Variants in PCDHGA4 observed in about 807,000 individuals in gnomAD.
PCDHGA4 encodes the protein protocadherin gamma-A4.
PCDHGA4 carries 38 observed loss-of-function variants against 54.6 expected under a neutral mutation model. The ratio of observed to expected loss-of-function variants is 0.70; its 90% CI spans 0.54 to 0.91. PCDHGA4 has a LOEUF of 0.91. PCDHGA4 is among the 40% of genes least tolerant of loss of function. The pLI is 0.00. For missense variants in PCDHGA4, 1,298 were observed against 1,220.9 expected (o/e 1.06, Z -0.94); for synonymous variants, 511 against 512.9 (o/e 1.00, Z 0.05).
chr5:141,399,753 G>A (rs1418820057), intron 1 of PCDHGA4: 6 of 1,613,252 alleles, frequency 3.7e-6, no homozygotes, highest in Middle Eastern at 1.7e-4. Flanking sequence ...GCGCAAACGT[G>A]AGCCTGCGCG....
At chr5:141,389,313 C>A (rs1279349887) in intron 1 of PCDHGA4, 2 of 1,614,024 alleles carry the variant, frequency 1.2e-6, no homozygotes, top group Admixed American at 3.3e-5. Context: ...GGCTTCTGAT[C>A]CGGACTTGGG....
At chr5:141,464,282 A>AG (rs1318553407) in intron 1 of PCDHGA4, among the ~76,000 whole-genome samples, 1 of 151,396 alleles carries the variant, frequency 6.6e-6, no homozygotes, top group Non-Finnish European at 1.5e-5. Flanking sequence ...AAAAAAGCAA[A>AG]AAAAAAAACT....
Position 141,436,345 on chromosome 5 carries a change from G to A in PCDHGA4, c.2515-58462G>A, listed in dbSNP as rs930858667. 5.9e-4 allele frequency among the ~76,000 whole-genome samples: 90 copies of A among 152,212 alleles called. 1 individual carries two copies. Among genetic ancestry groups the A allele is most frequent in the African/African-American group, 1.7e-3 (69 of 41,540 alleles). ...GTTAGACCATATCTCAAATATCAGT[G>A]ACTTCAATCAACTATGTTTCCAGTT... On this transcript the variant is annotated intron_variant, in intron 1 of 3. Coordinates refer to ENST00000571252, the MANE Select transcript of PCDHGA4 (RefSeq NM_018917.4).
Position 141,376,352 on chromosome 5 carries a change from G to A in PCDHGA4, c.2514+18731G>A, listed in dbSNP as rs919062386. On this transcript the variant is annotated intron_variant, in intron 1 of 3. Coordinates refer to ENST00000571252, the MANE Select transcript of PCDHGA4 (RefSeq NM_018917.4). Reference sequence around the variant, plus strand: ...TTTCCTGCAGACCTATTCCCACGAGGTCTCACTCACTGCAGACTCGCGTAA... The same window carrying A: ...TTTCCTGCAGACCTATTCCCACGAGATCTCACTCACTGCAGACTCGCGTAA... 3.9e-5 allele frequency: 63 copies of A among 1,614,164 alleles called. No homozygotes were observed. In the East Asian group the frequency reaches 1.4e-3, roughly 35 times the overall value.
chr5:141,394,427 G>A (rs748527281), intron 1 of PCDHGA4: 23 of 1,614,228 alleles, frequency 1.4e-5, no homozygotes, highest in Non-Finnish European at 1.6e-5. Flanking sequence ...GCGACAGCGG[G>A]GACCCGCCCC....
At chr5:141,399,642 G>C (rs755191053) in intron 1 of PCDHGA4, 3 of 1,613,750 alleles carry the variant, frequency 1.9e-6, no homozygotes, top group Non-Finnish European at 2.5e-6. Flanking sequence ...CCATGAGCGC[G>C]CAAAGTGGGG....
intron 1 of PCDHGA4, among the ~76,000 whole-genome samples, chr5:141,471,978 A>C (rs1246474598): frequency 1.3e-5 from 2 of 152,184 alleles, no homozygotes; most frequent in African/African-American, 4.8e-5. Flanking sequence ...TTACTGTATA[A>C]ATTTATTAAA....
intron 1 of PCDHGA4, chr5:141,433,169 C>T: frequency 6.2e-7 from 1 of 1,613,000 alleles, no homozygotes; most frequent in Non-Finnish European, 8.5e-7. Context: ...TAAAGACAGT[C>T]ATGGGTTAAT....
intron 1 of PCDHGA4, chr5:141,479,468 T>C (rs1473966646): frequency 1.3e-5 from 2 of 152,248 alleles, no homozygotes; most frequent in African/African-American, 4.8e-5. Context: ...TACAGTGACC[T>C]CTTGGGAGGG....
intron 1 of PCDHGA4, among the ~76,000 whole-genome samples, chr5:141,447,632 T>G (rs931349669): frequency 9.2e-5 from 14 of 152,160 alleles, no homozygotes; most frequent in Non-Finnish European, 2.1e-4. Flanking sequence ...ACCAACAGTA[T>G]GAATGATGGT....
chr5:141,507,483 T>G (rs2099860964), intron 3 of PCDHGA4, among the ~76,000 whole-genome samples: 1 of 152,184 alleles, frequency 6.6e-6, no homozygotes, highest in South Asian at 2.1e-4. Context: ...GCTGGCCTCC[T>G]GAGGCAGAGC....
At chr5:141,360,029 G>A in intron 1 of PCDHGA4, 1 of 1,375,698 alleles carries the variant, frequency 7.3e-7, no homozygotes, top group Non-Finnish European at 9.6e-7. Context: ...GGCCAGTATA[G>A]ATTCGGAAAC....
intron 1 of PCDHGA4, among the ~76,000 whole-genome samples, chr5:141,435,605 C>T (rs776926758): frequency 1.1e-4 from 17 of 152,134 alleles, no homozygotes; most frequent in Non-Finnish European, 1.9e-4. Flanking sequence ...CTGCTTTTTA[C>T]ATTAAATTCC....
intron 1 of PCDHGA4, chr5:141,430,598 T>G: frequency 1.7e-6 from 1 of 598,568 alleles, no homozygotes; most frequent in Non-Finnish European, 2.6e-6. Context: ...TGCACGCGCC[T>G]GAAGCACAAA....
chr5:141,429,896 A>G (rs1307950556), intron 1 of PCDHGA4, among the ~76,000 whole-genome samples: 1 of 152,346 alleles, frequency 6.6e-6, no homozygotes, highest in South Asian at 2.1e-4. Flanking sequence ...TGAACAATAA[A>G]TATTTTTGAA....
chr5:141,376,562 C>A, intron 1 of PCDHGA4: 1 of 1,608,850 alleles, frequency 6.2e-7, no homozygotes, highest in Non-Finnish European at 8.5e-7. Context: ...CGCAACCCAA[C>A]TAATCAGACA....
intron 1 of PCDHGA4, chr5:141,412,359 A>G (rs2095550851): frequency 6.6e-6 from 1 of 152,226 alleles, no homozygotes; most frequent in Non-Finnish European, 1.5e-5. Flanking sequence ...GTTTGTGATT[A>G]CCTGCTTAAT....
At position 141,431,368 on chromosome 5, in the gene PCDHGA4, A is replaced by G; in HGVS notation, c.2515-63439A>G. On this transcript the variant is annotated intron_variant, in intron 1 of 3. Coordinates refer to ENST00000571252, the MANE Select transcript of PCDHGA4 (RefSeq NM_018917.4). The surrounding 1 kb of genome is among the most constrained non-coding windows in gnomAD (Gnocchi z 4.8). ...TGCTGAAACGCGCCCTGGACCGCGA[A>G]GAAAAGGCTGCTCACCACCTGGTCC... 1.9e-6 allele frequency: 3 copies of G among 1,614,002 alleles called. No individual in the cohort carries two copies. The highest frequency in any genetic ancestry group is 2.5e-6 in the Non-Finnish European group (3 of 1,180,034).
intron 1 of PCDHGA4, among the ~76,000 whole-genome samples, chr5:141,452,299 A>G (rs2098738116): frequency 6.6e-6 from 1 of 152,176 alleles, no homozygotes; most frequent in African/African-American, 2.4e-5. Flanking sequence ...ATAAGAAAAT[A>G]TTAGAGACTC....
Sources: allele counts gnomAD v4.1 joint callset (sites outside exome capture counted in the v4.1 genomes callset), GRCh38; gene constraint gnomAD v4.1.1; non-coding constraint Gnocchi (gnomAD v3.1); transcripts MANE v1.5; gene names NCBI Gene and HGNC (gene_info 2026-07-23, HGNC 2026-07-21).